The following MED13L variants were observed in gnomAD, a reference collection of about 807,000 sequenced individuals.
The protein encoded by MED13L is mediator of RNA polymerase II transcription subunit 13-like.
MED13L carries 7 observed loss-of-function variants against 220.9 expected under a neutral mutation model. The ratio of observed to expected loss-of-function variants is 0.03; its 90% confidence interval spans 0.02 to 0.06. The LOEUF (loss-of-function observed/expected upper bound fraction) is 0.06. Ranked by LOEUF, MED13L falls within the 10% of genes least tolerant of loss-of-function variation. The pLI, the probability that MED13L is intolerant of heterozygous loss-of-function variation, is 1.00. For missense variants in MED13L, 1,965 were observed against 2,760.5 expected (o/e 0.71, Z 6.46); for synonymous variants, 1,011 against 1,015.2 (o/e 1.00, Z 0.08).
chr12:116,127,003 T>TTTTCCAAATA lies in MED13L; in HGVS notation c.311-15492_311-15491insTATTTGGAAA, dbSNP rs1415343349. Among the ~76,000 whole-genome samples the TTTTCCAAATA allele has an allele frequency of 4.9e-4, 74 of 152,338 alleles. 1 individual carries two copies. Among genetic ancestry groups the TTTTCCAAATA allele is most frequent in the African/African-American group, 1.8e-3 (73 of 41,582 alleles). ...TTTTTCATAGGTTAAAAAATATATATATTTTCCAAATAATTAACTTACAAA... is the reference window on the plus strand; with the variant it reads ...TTTTTCATAGGTTAAAAAATATATATTTTCCAAATAATTTTCCAAATAATTAACTTACAAA... On this transcript the variant is annotated intron_variant, in intron 2 of 30. Transcript: ENST00000281928.
chr12:116,102,710 C>CTTTTTTTTTTTTTTT (rs869201518), intron 3 of MED13L, among the ~76,000 whole-genome samples: 30 of 68,684 alleles, frequency 4.4e-4, no homozygotes, highest in East Asian at 3.1e-3. Flanking sequence ...TTTCTTTTTT[C>CTTTTTTTTTTTTTTT]TTTTTTTTTT....
At chr12:116,022,734 G>C in intron 4 of MED13L, 133 bp from the exon 5 acceptor site, 5 of 938,250 alleles carry the variant, frequency 5.3e-6, no homozygotes, top group Non-Finnish European at 8.2e-6. Flanking sequence ...GTGGGCAAAA[G>C]AGAAACTTCT....
chr12:116,154,099 T>C (rs752739859), intron 2 of MED13L, among the ~76,000 whole-genome samples: 3 of 152,232 alleles, frequency 2.0e-5, no homozygotes, highest in South Asian at 2.1e-4. Context: ...TGAAATGCTG[T>C]GCTAACTGAT....
intron 2 of MED13L, chr12:116,230,495 G>C: frequency 1.1e-5 from 11 of 984,160 alleles, no homozygotes; most frequent in Non-Finnish European, 1.3e-5. Context: ...CTGCAAAATG[G>C]TATCATTCAT....
At chr12:116,171,685 TA>T (rs1879689027) in intron 2 of MED13L, among the ~76,000 whole-genome samples, 1 of 152,140 alleles carries the variant, frequency 6.6e-6, no homozygotes, top group Non-Finnish European at 1.5e-5. Context: ...CTGAAACCAT[TA>T]ATTTTCCTGA....
In MED13L at chr12:115,983,403, G is replaced by T; in HGVS notation, c.4669C>A (p.Pro1557Thr). ...GTGGGATTAAATGCACTGCCAGCTG[G>T]GGGAGCTGCTGATCCATTTGGAGCT... ...PLAPNGSAAPPAGSAFNPTSN... is the reference protein window; with the variant it reads ...PLAPNGSAAPTAGSAFNPTSN... The change falls in exon 21 of 31, where the codon CCA (proline) becomes ACA (threonine). Residue 1557 changes from proline to threonine, a missense_variant. Transcript: ENST00000281928. 2 of 1,614,166 alleles carry T rather than the reference G, an allele frequency of 1.2e-6. No homozygotes were observed. Among genetic ancestry groups the T allele is most frequent in the Non-Finnish European group, 8.5e-7 (1 of 1,180,012 alleles).
chr12:116,214,623 T>A (rs1189407310), intron 2 of MED13L, among the ~76,000 whole-genome samples: 3 of 152,136 alleles, frequency 2.0e-5, no homozygotes, highest in Non-Finnish European at 4.4e-5. Context: ...AAAATATAAT[T>A]TTTCAATAAT....
At chr12:116,075,910 ATTT>A (rs774757433) in intron 4 of MED13L, among the ~76,000 whole-genome samples, 20,005 of 133,874 alleles carry the variant, frequency 0.15, 1,548 homozygotes, top group Middle Eastern at 0.2. Flanking sequence ...GAGCCAGAAG[ATTT>A]TTTTTTTTTT....
intron 2 of MED13L, among the ~76,000 whole-genome samples, chr12:116,131,373 G>A (rs1276077817): frequency 1.3e-5 from 2 of 152,184 alleles, no homozygotes; most frequent in Non-Finnish European, 2.9e-5. Flanking sequence ...TGTTCACCAG[G>A]TTGCACAGCA....
At chr12:116,077,283 G>T (rs888315709) in intron 4 of MED13L, among the ~76,000 whole-genome samples, 2 of 152,056 alleles carry the variant, frequency 1.3e-5, no homozygotes, top group Non-Finnish European at 2.9e-5. Flanking sequence ...TGAGTTCCTC[G>T]GCAGGACTTC....
chr12:115,992,721 TG>T (rs1878147510), intron 16 of MED13L, among the ~76,000 whole-genome samples: 2 of 152,190 alleles, frequency 1.3e-5, no homozygotes, highest in Non-Finnish European at 2.9e-5. Context: ...CAGCTTTCTG[TG>T]GGGTGGTAAG....
In MED13L at chr12:116,239,014, G is replaced by C. The variant is rs573688769; in HGVS notation, c.73-1309C>G. ...GGAGGCTGAGGCACAAGAATTGCTTGAACTTGGAAGGCGGAGGTTGCAGTG... is the reference window on the plus strand; with the variant it reads ...GGAGGCTGAGGCACAAGAATTGCTTCAACTTGGAAGGCGGAGGTTGCAGTG... On this transcript the variant is annotated intron_variant, in intron 1 of 30. Transcript: ENST00000281928. Among the ~76,000 whole-genome samples the C allele has an allele frequency of 9.7e-4, 147 of 152,282 alleles. 1 individual carries two copies. The highest frequency in any genetic ancestry group is 3.4e-3 in the African/African-American group (142 of 41,562).
intron 17 of MED13L, among the ~76,000 whole-genome samples, chr12:115,989,311 T>G (rs1877902518): frequency 6.6e-6 from 1 of 152,100 alleles, no homozygotes; most frequent in Non-Finnish European, 1.5e-5. Flanking sequence ...AATCTTCACT[T>G]GCATTTTAAT....
intron 2 of MED13L, among the ~76,000 whole-genome samples, chr12:116,140,533 C>T (rs1160667057): frequency 6.6e-6 from 1 of 152,114 alleles, no homozygotes; most frequent in Non-Finnish European, 1.5e-5. Flanking sequence ...ATTATTTCAT[C>T]TCTCATGAAA....
chr12:116,188,120 A>C (rs1881020192), intron 2 of MED13L, among the ~76,000 whole-genome samples: 1 of 150,210 alleles, frequency 6.7e-6, no homozygotes, highest in Non-Finnish European at 1.5e-5. Context: ...TAACATAATT[A>C]ACAAATTATT....
intron 2 of MED13L, among the ~76,000 whole-genome samples, chr12:116,229,380 T>A (rs367938021): frequency 6.6e-6 from 1 of 152,214 alleles, no homozygotes; most frequent in South Asian, 2.1e-4. Context: ...TGATTTCATA[T>A]CAACGCAAAA....
At chr12:116,050,567 C>CT (rs960612211) in intron 4 of MED13L, among the ~76,000 whole-genome samples, 26 of 151,488 alleles carry the variant, frequency 1.7e-4, no homozygotes, top group East Asian at 7.7e-4. Context: ...GATGGTAATT[C>CT]TTTTTTTTTA....
At chr12:116,154,350 T>A (rs1035217954) in intron 2 of MED13L, among the ~76,000 whole-genome samples, 71 of 152,234 alleles carry the variant, frequency 4.7e-4, no homozygotes, top group African/African-American at 1.6e-3. Flanking sequence ...AAGTCTGGAG[T>A]TGGAACTCTT....
chr12:116,014,631 G>A (rs555849484), intron 8 of MED13L, among the ~76,000 whole-genome samples: 1 of 152,244 alleles, frequency 6.6e-6, no homozygotes, highest in Admixed American at 6.5e-5. Flanking sequence ...ACAAACAGGA[G>A]CACGGCAGAT....
Sources: gnomAD v4.1 joint callset for allele counts (sites outside exome capture counted in the v4.1 genomes callset) on GRCh38, gnomAD v4.1.1 for gene constraint, MANE v1.5 for transcripts, NCBI Gene and HGNC (gene_info 2026-07-23, HGNC 2026-07-21) for gene names.